The following PPP1R14D variants were observed in gnomAD, a reference collection of about 807,000 sequenced individuals.
The protein encoded by PPP1R14D is protein phosphatase 1 regulatory inhibitor subunit 14D.
In PPP1R14D, 14 loss-of-function variants were observed where a neutral mutation model predicts 17.1. That is an observed-to-expected ratio of 0.82 (90% CI 0.54 to 1.28). PPP1R14D has a LOEUF of 1.28. Ranked by LOEUF, PPP1R14D falls within the 50% of genes most tolerant of loss-of-function variation. The probability of loss-of-function intolerance (pLI) is 0.00; values close to 1 mark genes in which losing one functional copy is unlikely to be tolerated. For missense variants in PPP1R14D, 173 were observed against 179.2 expected, an observed-to-expected ratio of 0.97 and a Z score of 0.20; for synonymous variants, 67 against 66.1, an observed-to-expected ratio of 1.01 and a Z score of -0.06.
chr15:40,816,729 A>T (rs964328824), intron 1 of PPP1R14D, among the ~76,000 whole-genome samples: 2 of 151,996 alleles, frequency 1.3e-5, no homozygotes, highest in Non-Finnish European at 2.9e-5. Flanking sequence ...CAAAAAAAAT[A>T]AAAATAATAA....
intron 1 of PPP1R14D, among the ~76,000 whole-genome samples, chr15:40,818,126 T>C (rs1381348104): frequency 6.7e-6 from 1 of 149,106 alleles, no homozygotes; most frequent in Non-Finnish European, 1.5e-5. Context: ...CCGTCTCTAC[T>C]AAAAATACAA....
chr15:40,823,094 AG>A lies in PPP1R14D; in HGVS notation c.255+5292del, dbSNP rs1274723731. The stretch of plus-strand genomic sequence containing the variant: ...ATTCTCCTGCCTTAGCCTCCCAAGC[AG>A]CTGGGATTACAGGTGGCCACCACCA... On this transcript the variant is annotated intron_variant, in intron 1 of 3. Transcript: ENST00000299174. Among the ~76,000 whole-genome samples, 5 of 149,686 alleles carry A rather than the reference AG, an allele frequency of 3.3e-5. No homozygotes were observed. The East Asian group carries it at 1.0e-3, about 30-fold the overall frequency.
At chr15:40,819,760 T>C (rs1341106256) in intron 1 of PPP1R14D, among the ~76,000 whole-genome samples, 1 of 152,158 alleles carries the variant, frequency 6.6e-6, no homozygotes, top group East Asian at 1.9e-4. Context: ...TAACCCTAGA[T>C]TCCACATATG....
chr15:40,823,568 T>A (rs1890820332), intron 1 of PPP1R14D, among the ~76,000 whole-genome samples: 1 of 152,202 alleles, frequency 6.6e-6, no homozygotes, highest in Admixed American at 6.5e-5. Flanking sequence ...TTTAAAATCT[T>A]TTCTACCATA....
At chr15:40,820,117 C>T (rs1326676806) in intron 1 of PPP1R14D, among the ~76,000 whole-genome samples, 1 of 151,446 alleles carries the variant, frequency 6.6e-6, no homozygotes, top group East Asian at 2.0e-4. Context: ...CTGCCCGCCT[C>T]GGCCTCCCAA....
At chr15:40,815,807 C>T (rs1175169480) in intron 3 of PPP1R14D, 46 bp from the exon 4 acceptor site, 3 of 1,530,502 alleles carry the variant, frequency 2.0e-6, no homozygotes, top group Non-Finnish European at 2.7e-6. Context: ...TCACAATTCA[C>T]CCCCCACCCT....
At chr15:40,820,499 A>G (rs1460746639) in intron 1 of PPP1R14D, among the ~76,000 whole-genome samples, 2 of 152,084 alleles carry the variant, frequency 1.3e-5, no homozygotes, top group African/African-American at 4.8e-5. Flanking sequence ...AAAAGACATA[A>G]ATGATAGAAT....
At chr15:40,825,759 C>A (rs1172311818) in intron 1 of PPP1R14D, among the ~76,000 whole-genome samples, 1 of 152,180 alleles carries the variant, frequency 6.6e-6, no homozygotes, top group East Asian at 1.9e-4. Flanking sequence ...CTGCTTCCTG[C>A]TGAAAAGAGC....
At chr15:40,827,370 C>G (rs1223442474) in intron 1 of PPP1R14D, among the ~76,000 whole-genome samples, 1 of 152,042 alleles carries the variant, frequency 6.6e-6, no homozygotes, top group Non-Finnish European at 1.5e-5. Flanking sequence ...TAGTCGGGCA[C>G]AGTGGCGCAT....
chr15:40,822,529 C>G (rs578003643), intron 1 of PPP1R14D, among the ~76,000 whole-genome samples: 1 of 151,974 alleles, frequency 6.6e-6, no homozygotes, highest in Non-Finnish European at 1.5e-5. Flanking sequence ...TCTCAGCTCA[C>G]TGCAAACTCT....
intron 1 of PPP1R14D, 79 bp from the exon 2 acceptor site, chr15:40,816,332 C>T (rs2141984130): frequency 8.8e-7 from 1 of 1,132,054 alleles, no homozygotes; most frequent in South Asian, 1.2e-5. Context: ...GGACTCAACC[C>T]ACCTCTCTCC....
chr15:40,824,877 G>A (rs1313029785), intron 1 of PPP1R14D, among the ~76,000 whole-genome samples: 1 of 152,106 alleles, frequency 6.6e-6, no homozygotes, highest in East Asian at 1.9e-4. Context: ...AAAGAGTGGT[G>A]GAAACAGAAG....
rs1006967076 is a variant in PPP1R14D, at chr15:40,815,482, G to A, written c.*214C>T. 7 of 590,940 alleles carry A rather than the reference G, an allele frequency of 1.2e-5. No individual in the cohort carries two copies. The highest frequency in any genetic ancestry group is 1.9e-5 in the African/African-American group (1 of 53,360). 36.6% of individuals were successfully genotyped at this position (590,940 alleles called of 1,614,324 possible). A position where few individuals can be genotyped will look rare whatever the true frequency, so the allele number is the denominator to read the frequency against. On this transcript the variant is annotated 3_prime_UTR_variant, in exon 4 of 4. Coordinates refer to ENST00000299174, the MANE Select transcript of PPP1R14D (RefSeq NM_017726.8). ...TCCTAAAGGTTTTATCCACTTGGCT[G>A]CCAAGGAAGGCATTGGACAACAGCC...
chr15:40,820,398 A>G (rs889123738), intron 1 of PPP1R14D, among the ~76,000 whole-genome samples: 2 of 151,636 alleles, frequency 1.3e-5, no homozygotes, highest in African/African-American at 4.8e-5. Flanking sequence ...ACCTCAGGTG[A>G]TCCACCCACC....
chr15:40,816,114 A>T, intron 2 of PPP1R14D, 56 bp downstream of exon 2: 1 of 1,604,152 alleles, frequency 6.2e-7, no homozygotes, highest in Non-Finnish European at 8.5e-7. Context: ...AAGGAGGCAG[A>T]ACCTGGGTTT....
intron 1 of PPP1R14D, among the ~76,000 whole-genome samples, chr15:40,826,261 A>G (rs1438254407): frequency 1.3e-5 from 2 of 152,060 alleles, no homozygotes; most frequent in Non-Finnish European, 2.9e-5. Flanking sequence ...GGGTCACAAC[A>G]ATCATTCTTC....
intron 1 of PPP1R14D, among the ~76,000 whole-genome samples, chr15:40,821,871 T>C (rs1186703625): frequency 2.6e-5 from 4 of 152,302 alleles, no homozygotes; most frequent in South Asian, 2.1e-4. Context: ...GAGGCTGCGG[T>C]GAGGCGAGAT....
At chr15:40,827,757 CA>C (rs573112640) in intron 1 of PPP1R14D, among the ~76,000 whole-genome samples, 1 of 149,672 alleles carries the variant, frequency 6.7e-6, no homozygotes, top group Admixed American at 6.7e-5. Flanking sequence ...GCCGTCTCTA[CA>C]AAAAAAAATA....
At chr15:40,817,799 A>G (rs536562145) in intron 1 of PPP1R14D, among the ~76,000 whole-genome samples, 59 of 151,678 alleles carry the variant, frequency 3.9e-4, no homozygotes, top group Non-Finnish European at 2.7e-4. Context: ...TTTTTTGTAG[A>G]GACAAGTCTC....
Sources: allele counts gnomAD v4.1 joint callset (sites outside exome capture counted in the v4.1 genomes callset), GRCh38; gene constraint gnomAD v4.1.1; transcripts MANE v1.5; gene names NCBI Gene and HGNC (gene_info 2026-07-23, HGNC 2026-07-21).